ZEB1: variants seen among roughly 807,000 people sequenced by gnomAD.
The protein encoded by ZEB1 is zinc finger E-box-binding homeobox 1.
ZEB1 carries 21 observed loss-of-function variants against 84.9 expected under a neutral mutation model. The ratio of observed to expected loss-of-function variants is 0.25; its 90% confidence interval spans 0.18 to 0.36. The LOEUF (loss-of-function observed/expected upper bound fraction) is 0.36. ZEB1 is among the 10% of genes least tolerant of loss of function. The probability of loss-of-function intolerance (pLI) is 1.00; values close to 1 mark genes in which losing one functional copy is unlikely to be tolerated. For missense variants in ZEB1, 1,104 were observed against 1,330.2 expected, an observed-to-expected ratio of 0.83 and a Z score of 2.65; for synonymous variants, 420 against 471.1, an observed-to-expected ratio of 0.89 and a Z score of 1.41.
intron 1 of ZEB1, among the ~76,000 whole-genome samples, chr10:31,460,726 A>C (rs1314743608): frequency 6.6e-6 from 1 of 152,122 alleles, no homozygotes; most frequent in Non-Finnish European, 1.5e-5. Context: ...ACAAGGATAT[A>C]AGTAGTAAGT....
intron 1 of ZEB1, among the ~76,000 whole-genome samples, chr10:31,436,851 C>T (rs1023636373): frequency 2.6e-5 from 4 of 152,020 alleles, no homozygotes; most frequent in Admixed American, 2.6e-4. Context: ...TTTGTGTTTT[C>T]CAAGAATGTC....
At chr10:31,495,654 T>TACATGTATCAAAATATC in intron 2 of ZEB1, 122 bp from the exon 3 acceptor site, 1 of 920,020 alleles carries the variant, frequency 1.1e-6, no homozygotes, top group Non-Finnish European at 1.8e-6. Flanking sequence ...GATATTTTGA[T>TACATGTATCAAAATATC]ACATGTATAC....
At chr10:31,479,027 T>A (rs79013057) in intron 2 of ZEB1, among the ~76,000 whole-genome samples, 2,302 of 151,706 alleles carry the variant, frequency 0.015, 44 homozygotes, top group African/African-American at 0.052. Flanking sequence ...AAATCTAAAA[T>A]CTTAAAAAAA....
chr10:31,415,071 C>T (rs1184799109), intron 1 of ZEB1, among the ~76,000 whole-genome samples: 2 of 152,046 alleles, frequency 1.3e-5, no homozygotes, highest in Admixed American at 1.3e-4. Flanking sequence ...TTTTACAATC[C>T]ACTTTGCCCA....
chr10:31,493,080 A>G (rs2138925485), intron 2 of ZEB1, among the ~76,000 whole-genome samples: 1 of 152,016 alleles, frequency 6.6e-6, no homozygotes, highest in East Asian at 1.9e-4. Flanking sequence ...TTCTGTCACT[A>G]ACAGGCTCTC....
chr10:31,409,410 G>A (rs1294352013), intron 1 of ZEB1, among the ~76,000 whole-genome samples: 1 of 152,196 alleles, frequency 6.6e-6, no homozygotes, highest in Non-Finnish European at 1.5e-5. Context: ...TTTGGTTACT[G>A]TAGCCTTGTA....
chr10:31,498,007 GCT>G (rs1366771908), intron 3 of ZEB1, among the ~76,000 whole-genome samples: 3 of 151,742 alleles, frequency 2.0e-5, no homozygotes, highest in Admixed American at 6.6e-5. Context: ...TTAAATATTT[GCT>G]CTCTCAAATA....
At chr10:31,479,636 AT>A (rs796763186) in intron 2 of ZEB1, among the ~76,000 whole-genome samples, 1 of 151,940 alleles carries the variant, frequency 6.6e-6, no homozygotes, top group South Asian at 2.1e-4. Context: ...ATATTCTGAT[AT>A]TCACAGATCT....
chr10:31,331,105 T>G (rs2036680447), intron 1 of ZEB1, among the ~76,000 whole-genome samples: 1 of 137,948 alleles, frequency 7.2e-6, no homozygotes, highest in South Asian at 2.3e-4. Context: ...TTTTTTTTTT[T>G]TTGAGACGGA....
At chr10:31,472,246 C>A (rs566735123) in intron 2 of ZEB1, among the ~76,000 whole-genome samples, 2 of 152,034 alleles carry the variant, frequency 1.3e-5, no homozygotes, top group African/African-American at 2.4e-5. Context: ...ACACAAAAAA[C>A]CCTTCAAAAA....
chr10:31,319,041 G>T (rs1170652992), upstream of ZEB1: 15 of 629,916 alleles, frequency 2.4e-5, no homozygotes, highest in East Asian at 1.7e-4. Context: ...GCCGCAAACC[G>T]CCCGGTCCCT....
chr10:31,329,853 G>A (rs558620548), intron 1 of ZEB1, among the ~76,000 whole-genome samples: 27 of 152,194 alleles, frequency 1.8e-4, no homozygotes, highest in African/African-American at 6.5e-4. Context: ...TTTCCTTTGT[G>A]AACTGTCTGT....
intron 4 of ZEB1, among the ~76,000 whole-genome samples, chr10:31,506,421 T>C (rs893029783): frequency 6.6e-6 from 1 of 152,106 alleles, no homozygotes; most frequent in Admixed American, 6.5e-5. Flanking sequence ...TCTAATAATA[T>C]TTCCTTTATA....
At chr10:31,501,528 G>C (rs2068120944) in intron 3 of ZEB1, among the ~76,000 whole-genome samples, 1 of 152,032 alleles carries the variant, frequency 6.6e-6, no homozygotes, top group African/African-American at 2.4e-5. Context: ...TCTTACTATA[G>C]ATAATTATTA....
chr10:31,523,799 T>C (rs1271155306), intron 7 of ZEB1, 134 bp from the exon 8 acceptor site: 3 of 989,996 alleles, frequency 3.0e-6, no homozygotes, highest in Non-Finnish European at 4.5e-6. Context: ...TGAAGATCAG[T>C]GTGCTTGCTT....
At chr10:31,374,045 C>A (rs2046190217) in intron 1 of ZEB1, among the ~76,000 whole-genome samples, 2 of 151,730 alleles carry the variant, frequency 1.3e-5, no homozygotes, top group African/African-American at 4.8e-5. Context: ...AGTTTGAAAT[C>A]TTTAAGATTG....
At chr10:31,332,833 C>T (rs1306413986) in intron 1 of ZEB1, among the ~76,000 whole-genome samples, 1 of 152,116 alleles carries the variant, frequency 6.6e-6, no homozygotes, top group Non-Finnish European at 1.5e-5. Context: ...CACATGTGAT[C>T]TACTTTGTAT....
chr10:31,402,505 A>G (rs1726310199), intron 1 of ZEB1, among the ~76,000 whole-genome samples: 1 of 152,108 alleles, frequency 6.6e-6, no homozygotes, highest in Admixed American at 6.6e-5. Context: ...AGCATTAAGA[A>G]AATTTTTGAT....
intron 1 of ZEB1, among the ~76,000 whole-genome samples, chr10:31,455,802 T>G (rs183611091): frequency 6.6e-6 from 1 of 152,320 alleles, no homozygotes; most frequent in African/African-American, 2.4e-5. Flanking sequence ...ACTTTTACAC[T>G]GTTGTGGGTG....
Sources: allele counts gnomAD v4.1 joint callset (sites outside exome capture counted in the v4.1 genomes callset), GRCh38; gene constraint gnomAD v4.1.1; transcripts MANE v1.5; gene names NCBI Gene and HGNC (gene_info 2026-07-23, HGNC 2026-07-21).